SPTA1: variants seen among roughly 807,000 people sequenced by gnomAD.
The protein encoded by SPTA1 is spectrin alpha, erythrocytic 1, also known as spectrin alpha chain, erythrocytic 1.
Under a neutral mutation model 324.7 loss-of-function variants are expected in SPTA1, and 177 were observed. The observed-to-expected ratio is 0.55, with a 90% CI of 0.48 to 0.62. The LOEUF (loss-of-function observed/expected upper bound fraction) is 0.62. SPTA1 is among the 20% of genes least tolerant of loss of function. The probability of loss-of-function intolerance (pLI) is 0.00; values close to 1 mark genes in which losing one functional copy is unlikely to be tolerated. For missense variants in SPTA1, 3,162 were observed against 2,883.6 expected (o/e 1.10, Z -2.21); for synonymous variants, 1,195 against 1,041.3 (o/e 1.15, Z -2.84).
intron 36 of SPTA1, among the ~76,000 whole-genome samples, chr1:158,637,678 T>G (rs1651188298): frequency 6.6e-6 from 1 of 152,252 alleles, no homozygotes; most frequent in Non-Finnish European, 1.5e-5. Context: ...ATATAAGATA[T>G]ACTGGATATA....
At chr1:158,620,994 T>C (rs1649874085) in intron 43 of SPTA1, among the ~76,000 whole-genome samples, 2 of 152,164 alleles carry the variant, frequency 1.3e-5, no homozygotes, top group South Asian at 2.1e-4. Flanking sequence ...CTATGTCATT[T>C]TCCTACCTTC....
chr1:158,639,408 A>T (rs549008776), intron 35 of SPTA1, 174 bp downstream of exon 35: 1 of 662,332 alleles, frequency 1.5e-6, no homozygotes, highest in East Asian at 2.7e-5. Flanking sequence ...TATCAGTGAC[A>T]GTTTTAATGT....
intron 7 of SPTA1, among the ~76,000 whole-genome samples, chr1:158,677,259 A>C (rs1654449590): frequency 6.6e-6 from 1 of 152,200 alleles, no homozygotes; most frequent in Non-Finnish European, 1.5e-5. Flanking sequence ...TTTATTTTAA[A>C]AGGAGAAGAC....
chr1:158,657,180 G>T (rs922912434), intron 19 of SPTA1, among the ~76,000 whole-genome samples: 3 of 152,094 alleles, frequency 2.0e-5, no homozygotes, highest in South Asian at 4.1e-4. Context: ...AATGCTCAAG[G>T]TTACTCTGGA....
At chr1:158,644,846 G>A (rs1040238999) in intron 29 of SPTA1, among the ~76,000 whole-genome samples, 2 of 152,060 alleles carry the variant, frequency 1.3e-5, no homozygotes, top group Admixed American at 1.3e-4. Flanking sequence ...TTAAGAAATG[G>A]GAAACTATCT....
At chr1:158,631,409 G>A (rs1287675509) in intron 39 of SPTA1, among the ~76,000 whole-genome samples, 1 of 152,086 alleles carries the variant, frequency 6.6e-6, no homozygotes, top group East Asian at 1.9e-4. Flanking sequence ...AAGCTATGAG[G>A]ATTAAAAGGC....
In SPTA1 at chr1:158,683,499, A is replaced by G. The variant is rs920148818; in HGVS notation, c.265-3T>C. ...GATTGATGCTTCTGATATTTCCCCT[A>G]AAGTTTAGAAATCAGAGTTTTTGTC... On this transcript the variant is annotated splice_polypyrimidine_tract_variant and splice_region_variant and intron_variant, in intron 2 of 51. Transcript: ENST00000643759. The G allele has an allele frequency of 1.9e-6, 3 of 1,612,708 alleles. No homozygotes were observed. Among genetic ancestry groups the G allele is most frequent in the African/African-American group, 1.3e-5 (1 of 74,816 alleles).
chr1:158,649,215 A>C (rs1652234391), intron 25 of SPTA1, among the ~76,000 whole-genome samples: 1 of 152,148 alleles, frequency 6.6e-6, no homozygotes, highest in Non-Finnish European at 1.5e-5. Flanking sequence ...GTTGCCCTCT[A>C]CTGTCAGCTT....
At chr1:158,615,717 A>ATCTG (rs386368440) in intron 47 of SPTA1, among the ~76,000 whole-genome samples, 1 of 151,818 alleles carries the variant, frequency 6.6e-6, no homozygotes, top group Non-Finnish European at 1.5e-5. Context: ...TCATCTATCT[A>ATCTG]TCTGTCTGTC....
chr1:158,654,590 A>AAG, intron 21 of SPTA1, 21 bp downstream of exon 21: 1 of 1,613,908 alleles, frequency 6.2e-7, no homozygotes, highest in East Asian at 2.2e-5. Flanking sequence ...TTTTGATGGA[A>AAG]AGATTAGAAG....
Position 158,638,258 on chromosome 1 carries a change from T to C in SPTA1, c.4981-17A>G, listed in dbSNP as rs564424180. ...GAGTGCATCCTAGAAAGTCTCGGGA[T>C]ACTCAGTGAATAGTATAGTATAGGC... On this transcript the variant is annotated splice_polypyrimidine_tract_variant and intron_variant, in intron 35 of 51. Transcript: ENST00000643759. 9 of 1,607,192 alleles carry C rather than the reference T, an allele frequency of 5.6e-6. No individual in the cohort carries two copies. In the East Asian group the frequency reaches 2.0e-4, roughly 36 times the overall value.
intron 27 of SPTA1, among the ~76,000 whole-genome samples, 194 bp downstream of exon 27, chr1:158,647,345 A>G (rs1447644679): frequency 1.3e-5 from 2 of 152,202 alleles, no homozygotes; most frequent in African/African-American, 2.4e-5. Context: ...ATTGGCCTAC[A>G]TGGCTTCATA....
intron 41 of SPTA1, among the ~76,000 whole-genome samples, 156 bp downstream of exon 41, chr1:158,626,682 GC>G (rs2101779937): frequency 1.3e-5 from 2 of 152,122 alleles, no homozygotes; most frequent in South Asian, 4.1e-4. Flanking sequence ...GTATGTGTGT[GC>G]AAATGTGAGT....
Position 158,647,542 on chromosome 1 carries a change from G to T in SPTA1, c.3893C>A (p.Ala1298Asp), listed in dbSNP as rs1652087156. The T allele has an allele frequency of 6.2e-7, 1 of 1,613,070 alleles. No homozygotes were observed. Among genetic ancestry groups the T allele is most frequent in the African/African-American group, 1.3e-5 (1 of 74,990 alleles). ...GAAGTTACCCACCCCACTCTACCTG[G>T]CCTTGCTGAGGAACAGGTAGAATTT... ...AQKFYLFLSK[A>D]RDLQNWISSI... is the part of the protein sequence containing the mutation. The change falls in exon 27 of 52, where the codon GCC (alanine) becomes GAC (aspartate). Residue 1298 changes from alanine to aspartate, a missense_variant. By Grantham distance (126) the Ala-to-Asp change is moderately radical. Coordinates refer to ENST00000643759, the MANE Select transcript of SPTA1 (RefSeq NM_003126.4).
At chr1:158,657,293 T>C (rs1652898880) in intron 19 of SPTA1, among the ~76,000 whole-genome samples, 184 bp downstream of exon 19, 1 of 152,220 alleles carries the variant, frequency 6.6e-6, no homozygotes, top group Non-Finnish European at 1.5e-5. Context: ...AAATGTAGCA[T>C]ATCTTTTGGG....
chr1:158,639,599 C>T lies in SPTA1; in HGVS notation c.4963G>A (p.Glu1655Lys), dbSNP rs1346215576. Residue 1655 changes from glutamate (E) to lysine (K), a missense_variant, in exon 35 of 52, where the codon GAG becomes AAG. Transcript: ENST00000643759. ...CTACTTACCTCTCGAGCCAACATCT[C>T]TCTCTCCAATAGCTGATGCTTCTTG... ...LLKKHQLLER[E>K]MLAREDALKD... The T allele has an allele frequency of 7.4e-6, 12 of 1,613,910 alleles. No homozygotes were observed. Among genetic ancestry groups the T allele is most frequent in the Admixed American group, 1.7e-5 (1 of 60,000 alleles).
rs775059590 is a variant in SPTA1 at position 158,686,485 on chromosome 1, T to G, written c.24+9A>C. 3 of 1,567,648 alleles carry G rather than the reference T, an allele frequency of 1.9e-6. No homozygotes were observed. Among genetic ancestry groups the G allele is most frequent in the African/African-American group, 1.4e-5 (1 of 73,746 alleles). ...TGACAAATTGCATGGAAGAGAAATA[T>G]GTACTTACGGTTTCCTTTGGAAATT... is the stretch of plus-strand genomic sequence containing the variant. On this transcript the variant is annotated intron_variant, in intron 1 of 51. Coordinates refer to ENST00000643759, the MANE Select transcript of SPTA1 (RefSeq NM_003126.4).
chr1:158,632,282 GA>G (rs151170987), intron 39 of SPTA1, among the ~76,000 whole-genome samples: 8,086 of 152,022 alleles, frequency 0.053, 481 homozygotes, highest in African/African-American at 0.15. Context: ...CAGAGGCTGA[GA>G]AAAAAATTGA....
In SPTA1 at chr1:158,662,918, C is replaced by G. The variant is rs1160893585; in HGVS notation, c.2248G>C (p.Ala750Pro). The change falls in exon 17 of 52, where the codon GCT (alanine) becomes CCT (proline). Residue 750 changes from alanine to proline, a missense_variant. Coordinates refer to ENST00000643759, the MANE Select transcript of SPTA1 (RefSeq NM_003126.4). ...TGGCCTATTTCTTCAAAATATGCAG[C>G]CAGGTCTGTAAGGATATCCACCTGA... Reference protein sequence around the residue: ...QDQVDILTDLAAYFEEIGHPD... With the variant: ...QDQVDILTDLPAYFEEIGHPD... The G allele has an allele frequency of 6.2e-7, 1 of 1,613,852 alleles. No homozygotes were observed. The highest frequency in any genetic ancestry group is 1.3e-5 in the African/African-American group (1 of 74,850).
Sources: gnomAD v4.1 joint callset for allele counts (sites outside exome capture counted in the v4.1 genomes callset) on GRCh38, gnomAD v4.1.1 for gene constraint, MANE v1.5 for transcripts, NCBI Gene and HGNC (gene_info 2026-07-23, HGNC 2026-07-21) for gene names.